Variants in SLC44A3 observed in about 807,000 individuals in gnomAD.
SLC44A3 encodes choline transporter-like protein 3.
Under a neutral mutation model 75.4 loss-of-function variants are expected in SLC44A3, and 74 were observed. That is an observed-to-expected ratio of 0.98 (90% CI 0.81 to 1.19). The LOEUF is 1.19. SLC44A3 is among the 50% of genes most tolerant of loss of function. SLC44A3 has a pLI of 0.00. For missense variants in SLC44A3, 700 were observed against 778.6 expected (o/e 0.90, Z 1.20); for synonymous variants, 310 against 296.9 (o/e 1.04, Z -0.45).
At chr1:94,863,136 G>A (rs1385951760) in intron 10 of SLC44A3, among the ~76,000 whole-genome samples, 2 of 152,090 alleles carry the variant, frequency 1.3e-5, no homozygotes, top group Non-Finnish European at 2.9e-5. Flanking sequence ...TCCAAGAGCT[G>A]GCTTGGGTTG....
At chr1:94,860,250 G>A (rs1666417228) in intron 10 of SLC44A3, among the ~76,000 whole-genome samples, 1 of 152,128 alleles carries the variant, frequency 6.6e-6, no homozygotes, top group African/African-American at 2.4e-5. Flanking sequence ...GAGAAAACAA[G>A]ACTCTTGAGT....
At chr1:94,833,487 C>T (rs978072037) in intron 5 of SLC44A3, among the ~76,000 whole-genome samples, 115 of 152,280 alleles carry the variant, frequency 7.6e-4, no homozygotes, top group South Asian at 4.1e-4. Context: ...TAGACACGAT[C>T]GGTGGCACCC....
intron 8 of SLC44A3, among the ~76,000 whole-genome samples, chr1:94,844,038 T>C (rs765574765): frequency 1.3e-5 from 2 of 152,236 alleles, no homozygotes; most frequent in African/African-American, 2.4e-5. Context: ...TGATTGAGAC[T>C]GTACTGGGCA....
At chr1:94,884,824 A>G (rs1269065306) in intron 12 of SLC44A3, among the ~76,000 whole-genome samples, 1 of 152,210 alleles carries the variant, frequency 6.6e-6, no homozygotes, top group Non-Finnish European at 1.5e-5. Context: ...CGCTCTTTCT[A>G]TGTTAAAGCT....
rs770856638 is a variant in SLC44A3, at chr1:94,892,336, G to A, written c.1676G>A (p.Arg559Gln). Residue 559 changes from arginine to glutamine, a missense_variant, in exon 14 of 15, where the codon CGG (arginine) becomes CAG (glutamine). Arg to Gln is a conservative substitution (Grantham distance 43). Coordinates refer to ENST00000271227, the MANE Select transcript of SLC44A3 (RefSeq NM_001114106.3). ...FGGLMAFNYN[R>Q]AFQVWAVPLL... ...GGACTCATGGCTTTTAACTACAATC[G>A]GGCATTCCAGGTGTGGGCAGTCCCT... The A allele has an allele frequency of 1.1e-5, 17 of 1,614,032 alleles. No homozygotes were observed. The highest frequency in any genetic ancestry group is 6.7e-5 in the East Asian group (3 of 44,892).
intron 9 of SLC44A3, among the ~76,000 whole-genome samples, chr1:94,847,510 A>C (rs188241076): frequency 2.6e-4 from 39 of 152,316 alleles, no homozygotes; most frequent in Admixed American, 6.5e-4. Context: ...GGCACGCACC[A>C]ATCAGAGGTT....
chr1:94,850,972 C>T (rs149224100), intron 9 of SLC44A3, among the ~76,000 whole-genome samples: 136 of 152,134 alleles, frequency 8.9e-4, no homozygotes, highest in African/African-American at 2.5e-3. Context: ...GGAGGTTGCA[C>T]GGGAGAGAGT....
chr1:94,845,133 C>CA (rs2101089077), intron 8 of SLC44A3, 145 bp from the exon 9 acceptor site: 1 of 803,048 alleles, frequency 1.2e-6, no homozygotes, highest in East Asian at 2.7e-5. Context: ...TTTGCGAATG[C>CA]ATCTGTAAAA....
At chr1:94,849,281 T>C (rs1664876520) in intron 9 of SLC44A3, among the ~76,000 whole-genome samples, 2 of 152,092 alleles carry the variant, frequency 1.3e-5, no homozygotes, top group African/African-American at 4.8e-5. Context: ...CCCGGACCTA[T>C]GGGAGGCATC....
At chr1:94,821,795 G>A (rs1465625826) in intron 2 of SLC44A3, among the ~76,000 whole-genome samples, 2 of 152,082 alleles carry the variant, frequency 1.3e-5, no homozygotes, top group East Asian at 1.9e-4. Flanking sequence ...TATAGAGCAG[G>A]GTAATAACTA....
At chr1:94,839,229 T>G (rs1449435796) in intron 6 of SLC44A3, among the ~76,000 whole-genome samples, 2 of 152,210 alleles carry the variant, frequency 1.3e-5, no homozygotes, top group Non-Finnish European at 2.9e-5. Flanking sequence ...CTTTCATATT[T>G]AATAAGAGTA....
chr1:94,893,751 G>T (rs1410208120), intron 14 of SLC44A3, among the ~76,000 whole-genome samples: 2 of 152,144 alleles, frequency 1.3e-5, no homozygotes, highest in Non-Finnish European at 2.9e-5. Flanking sequence ...TATGATGGTG[G>T]TATGTAGCTA....
chr1:94,876,892 A>T (rs776430327), intron 12 of SLC44A3, among the ~76,000 whole-genome samples: 3 of 152,180 alleles, frequency 2.0e-5, no homozygotes, highest in Non-Finnish European at 2.9e-5. Flanking sequence ...TAACAGATAT[A>T]GGTTGCCCTT....
chr1:94,842,249 G>A, intron 8 of SLC44A3, 125 bp downstream of exon 8: 2 of 1,307,904 alleles, frequency 1.5e-6, no homozygotes, highest in Non-Finnish European at 2.1e-6. Context: ...GCCTTCTTTG[G>A]ATTTGAGATA....
chr1:94,846,976 C>T (rs1664484589), intron 9 of SLC44A3, among the ~76,000 whole-genome samples: 1 of 152,218 alleles, frequency 6.6e-6, no homozygotes, highest in Admixed American at 6.5e-5. Flanking sequence ...AAGGCATGGC[C>T]CTTGGAGGCC....
intron 9 of SLC44A3, among the ~76,000 whole-genome samples, chr1:94,853,189 G>A (rs928394585): frequency 6.6e-6 from 1 of 152,306 alleles, no homozygotes; most frequent in East Asian, 1.9e-4. Flanking sequence ...GAAGGAGAAG[G>A]GGTGGAGTGT....
intron 12 of SLC44A3, among the ~76,000 whole-genome samples, chr1:94,878,318 C>T (rs113380841): frequency 6.6e-6 from 1 of 152,086 alleles, no homozygotes; most frequent in Admixed American, 6.5e-5. Context: ...CCTGACCTCG[C>T]TTAGTGCCCT....
rs760587498 is a variant in SLC44A3, at chr1:94,864,879, C to A, written c.1375C>A (p.Gln459Lys). 1.2e-5 allele frequency: 19 copies of A among 1,613,706 alleles called. No individual in the cohort carries two copies. The South Asian group carries it at 1.9e-4, about 16-fold the overall frequency. ...TCCGAGAATCATTGTCATGTACATG[C>A]AAAACGCACTGAAAGAACAGGTAAG... ...RIPRIIVMYM[Q>K]NALKEQQHGA... Residue 459 changes from glutamine to lysine, a missense_variant, in exon 11 of 15, where the codon CAA (glutamine) becomes AAA (lysine). Transcript: ENST00000271227.
intron 11 of SLC44A3, among the ~76,000 whole-genome samples, chr1:94,866,305 A>T (rs1482323877): frequency 6.6e-6 from 1 of 152,222 alleles, no homozygotes; most frequent in Non-Finnish European, 1.5e-5. Context: ...TCATAAATCT[A>T]AAAGAGAAGG....
Sources: gnomAD v4.1 joint callset for allele counts (sites outside exome capture counted in the v4.1 genomes callset) on GRCh38, gnomAD v4.1.1 for gene constraint, MANE v1.5 for transcripts, NCBI Gene and HGNC (gene_info 2026-07-23, HGNC 2026-07-21) for gene names.